SAP30BP: variants seen among roughly 807,000 people sequenced by gnomAD.
SAP30BP encodes SAP30-binding protein.
Under a neutral mutation model 46.3 loss-of-function variants are expected in SAP30BP, and 31 were observed. That is an observed-to-expected ratio of 0.67 (90% CI 0.50 to 0.90). SAP30BP has a LOEUF of 0.90. SAP30BP is among the 40% of genes least tolerant of loss of function. The pLI is 0.00. For missense variants in SAP30BP, 312 were observed against 391.0 expected (o/e 0.80, Z 1.70); for synonymous variants, 169 against 144.2 (o/e 1.17, Z -1.23).
At chr17:75,689,599 A>G (rs1158050224) in intron 3 of SAP30BP, among the ~76,000 whole-genome samples, 1 of 152,176 alleles carries the variant, frequency 6.6e-6, no homozygotes, top group African/African-American at 2.4e-5. Context: ...GCTGATGTAG[A>G]CAGATGCCTG....
chr17:75,677,712 C>G (rs1028276963), intron 3 of SAP30BP, among the ~76,000 whole-genome samples: 4 of 144,610 alleles, frequency 2.8e-5, no homozygotes, highest in African/African-American at 7.7e-5. Context: ...TTCCATAGTG[C>G]TGGGATTACA....
intron 4 of SAP30BP, among the ~76,000 whole-genome samples, chr17:75,695,989 C>T (rs1453048715): frequency 6.6e-6 from 1 of 152,180 alleles, no homozygotes; most frequent in African/African-American, 2.4e-5. Flanking sequence ...CACTCCCTGC[C>T]ATCCCATAAG....
At chr17:75,689,412 G>A (rs2060210473) in intron 3 of SAP30BP, among the ~76,000 whole-genome samples, 1 of 152,108 alleles carries the variant, frequency 6.6e-6, no homozygotes, top group South Asian at 2.1e-4. Flanking sequence ...TGTCTTGATT[G>A]GAATTGAATG....
At chr17:75,700,200 G>C in intron 5 of SAP30BP, 1 of 182,094 alleles carries the variant, frequency 5.5e-6, no homozygotes, top group South Asian at 1.9e-4. Flanking sequence ...TTCTCAGAAA[G>C]AGCTTTGCTA....
chr17:75,698,424 T>C (rs1568319728), intron 4 of SAP30BP, among the ~76,000 whole-genome samples: 1 of 152,252 alleles, frequency 6.6e-6, no homozygotes, highest in African/African-American at 2.4e-5. Flanking sequence ...TCCTGTAGCC[T>C]AGGCAGGTCA....
At chr17:75,679,683 G>A in intron 3 of SAP30BP, 1 of 152,166 alleles carries the variant, frequency 6.6e-6, no homozygotes, top group East Asian at 1.9e-4. Context: ...AGGAGGCTGG[G>A]CGTTGCATAG....
intron 5 of SAP30BP, chr17:75,700,333 G>A (rs1003227689): frequency 6.6e-6 from 1 of 152,562 alleles, no homozygotes; most frequent in Non-Finnish European, 1.5e-5. Flanking sequence ...CTTCTTCCCT[G>A]ACAGAATGTG....
In SAP30BP at chr17:75,693,487, G is replaced by A. The variant is rs2060269609; in HGVS notation, c.307+5G>A. ...GAGACCCCCAGGAACTCGTGGGTGA[G>A]TATTGGGGGATCCTGGGGGCACGTT... On this transcript the variant is annotated splice_donor_5th_base_variant and intron_variant, in intron 4 of 10. Transcript: ENST00000584667. The A allele has an allele frequency of 6.2e-7, 1 of 1,613,492 alleles. No individual in the cohort carries two copies. The highest frequency in any genetic ancestry group is 1.3e-5 in the African/African-American group (1 of 74,920).
At chr17:75,696,766 CTTTTT>C (rs34464076) in intron 4 of SAP30BP, among the ~76,000 whole-genome samples, 3 of 100,670 alleles carry the variant, frequency 3.0e-5, no homozygotes, top group Non-Finnish European at 3.9e-5. Flanking sequence ...CTCCCCTCCT[CTTTTT>C]TTTTTTTTTT....
At chr17:75,705,809 G>C in intron 9 of SAP30BP, 199 bp from the exon 10 acceptor site, 1 of 1,069,074 alleles carries the variant, frequency 9.4e-7, no homozygotes, top group South Asian at 1.6e-5. Context: ...GTACTGTTTG[G>C]AAAGTTCTTT....
At chr17:75,680,473 A>G (rs1040127063) in intron 3 of SAP30BP, among the ~76,000 whole-genome samples, 1 of 152,194 alleles carries the variant, frequency 6.6e-6, no homozygotes, top group African/African-American at 2.4e-5. Context: ...GTGGAACCAC[A>G]GGCCTGTAAC....
rs1304510455 is a variant in SAP30BP, at chr17:75,667,377, C to G, written c.5C>G (p.Ala2Gly). The change falls in exon 1 of 11, where the codon GCG (alanine) becomes GGG (glycine). Residue 2 changes from alanine to glycine, a missense_variant. By Grantham distance (60) the Ala-to-Gly change is moderately conservative. Around this residue, in one of 2 missense-constraint regions of SAP30BP, gnomAD observed 296 missense variants for 346.6 expected, o/e 0.85. Coordinates refer to ENST00000584667, the MANE Select transcript of SAP30BP (RefSeq NM_013260.8). M[A>G]GKKNVLSSLA... ...CGCCCGGGCTGTGGGAATAAGATGG[C>G]GGGGAAGAAGAATGTTCTGTCGTCT... 1 of 1,613,872 alleles carries G rather than the reference C, an allele frequency of 6.2e-7. No individual in the cohort carries two copies. Among genetic ancestry groups the G allele is most frequent in the Non-Finnish European group, 8.5e-7 (1 of 1,179,962 alleles).
At position 75,701,662 on chromosome 17, in the gene SAP30BP, C is replaced by G. The variant is rs770521081; in HGVS notation, c.397-818C>G. 6.6e-5 allele frequency among the ~76,000 whole-genome samples: 10 copies of G among 152,250 alleles called. 1 individual carries two copies. The Middle Eastern group carries it at 0.014, about 207-fold the overall frequency. ...ACACATTCTAAAAAGTTTGCAAGAC[C>G]GAATCCAAAAAACTCTATTCCCGCC... On this transcript the variant is annotated intron_variant, in intron 5 of 10. Transcript: ENST00000584667.
intron 3 of SAP30BP, among the ~76,000 whole-genome samples, chr17:75,687,920 G>T (rs1030454009): frequency 1.1e-5 from 1 of 90,360 alleles, no homozygotes; most frequent in Non-Finnish European, 2.6e-5. Flanking sequence ...TGTTTGGGGT[G>T]TGTGTGTGTG....
At chr17:75,702,941 A>T (rs2060435941) in intron 6 of SAP30BP, 1 of 316,636 alleles carries the variant, frequency 3.2e-6, no homozygotes, top group African/African-American at 2.1e-5. Flanking sequence ...TGATTTTTGC[A>T]TATAGGTGAG....
intron 3 of SAP30BP, chr17:75,690,598 C>T (rs2060227163): frequency 1.6e-5 from 7 of 441,684 alleles, no homozygotes; most frequent in South Asian, 4.8e-5. Context: ...GGATTACAGG[C>T]GTGAGCCACT....
chr17:75,679,184 G>A (rs1057450154), intron 3 of SAP30BP, among the ~76,000 whole-genome samples: 1 of 151,996 alleles, frequency 6.6e-6, no homozygotes, highest in African/African-American at 2.4e-5. Context: ...TTTTAGTAGA[G>A]ACAGGGTTTC....
intron 3 of SAP30BP, among the ~76,000 whole-genome samples, chr17:75,675,486 G>A (rs1464794797): frequency 1.3e-5 from 2 of 152,036 alleles, no homozygotes; most frequent in Non-Finnish European, 2.9e-5. Context: ...ATTTTTTTCA[G>A]TAGTTCTCAA....
At chr17:75,670,403 A>G (rs557552239) in intron 2 of SAP30BP, among the ~76,000 whole-genome samples, 1 of 152,288 alleles carries the variant, frequency 6.6e-6, no homozygotes, top group South Asian at 2.1e-4. Context: ...TCATGCCTTT[A>G]GCCCCATCCA....
Sources: gnomAD v4.1 joint callset for allele counts (sites outside exome capture counted in the v4.1 genomes callset) on GRCh38, gnomAD v4.1.1 for gene constraint, gnomAD v4.1.1 regional missense constraint, MANE v1.5 for transcripts, NCBI Gene and HGNC (gene_info 2026-07-23, HGNC 2026-07-21) for gene names.